Variants in ZNF667 observed in about 807,000 individuals in gnomAD.
ZNF667 encodes zinc finger protein 667, also known as myocardial ischemic preconditioning upregulated 1 ortholog.
Under a neutral mutation model 31.8 loss-of-function variants are expected in ZNF667, and 13 were observed. The ratio of observed to expected loss-of-function variants is 0.41; its 90% CI spans 0.27 to 0.65. The LOEUF (loss-of-function observed/expected upper bound fraction) is 0.65. Ranked by LOEUF, ZNF667 falls within the 30% of genes least tolerant of loss-of-function variation. The pLI is 0.32. For synonymous variants in ZNF667, 228 were observed against 247.1 expected, an observed-to-expected ratio of 0.92 and a Z score of 0.73; for missense variants, 642 against 725.6, an observed-to-expected ratio of 0.88 and a Z score of 1.32.
chr19:56,464,489 G>A (rs2043117623), intron 3 of ZNF667, among the ~76,000 whole-genome samples: 1 of 152,178 alleles, frequency 6.6e-6, no homozygotes, highest in African/African-American at 2.4e-5. Flanking sequence ...GTGAGACCCT[G>A]TCTCAAAAAC....
At chr19:56,461,797 G>A (rs760932118) in intron 4 of ZNF667, among the ~76,000 whole-genome samples, 128 of 152,192 alleles carry the variant, frequency 8.4e-4, no homozygotes, top group Non-Finnish European at 1.7e-3. Context: ...AGGAGGCTAC[G>A]CATACAACCT....
chr19:56,457,030 G>A (rs1284979642), intron 6 of ZNF667, among the ~76,000 whole-genome samples: 1 of 152,082 alleles, frequency 6.6e-6, no homozygotes, highest in Non-Finnish European at 1.5e-5. Context: ...TCGAGGTGGT[G>A]CCGTTTTCTC....
chr19:56,443,065 T>A (rs955728407), intron 6 of ZNF667, among the ~76,000 whole-genome samples: 24 of 152,130 alleles, frequency 1.6e-4, no homozygotes, highest in African/African-American at 5.6e-4. Flanking sequence ...CCAGAAAAGG[T>A]AAGTCTACAG....
chr19:56,464,469 G>A (rs1365884007), intron 3 of ZNF667, among the ~76,000 whole-genome samples: 1 of 152,184 alleles, frequency 6.6e-6, no homozygotes, highest in African/African-American at 2.4e-5. Context: ...AGTCCAGCCT[G>A]GGTAGCAGAG....
intron 3 of ZNF667, among the ~76,000 whole-genome samples, chr19:56,464,419 G>A (rs1274281515): frequency 6.6e-6 from 1 of 152,126 alleles, no homozygotes; most frequent in Non-Finnish European, 1.5e-5. Context: ...GCTTGAGCCT[G>A]GGAGGCAGAG....
intron 5 of ZNF667, among the ~76,000 whole-genome samples, chr19:56,459,634 C>T (rs2043002930): frequency 6.6e-6 from 1 of 152,220 alleles, no homozygotes; most frequent in Non-Finnish European, 1.5e-5. Flanking sequence ...CAATTACTGT[C>T]TCTGTGTTAC....
chr19:56,462,333 C>G lies in ZNF667; in HGVS notation c.33+5G>C. The G allele has an allele frequency of 6.2e-7, 1 of 1,614,234 alleles. No individual in the cohort carries two copies. The highest frequency in any genetic ancestry group is 8.5e-7 in the Non-Finnish European group (1 of 1,180,038). The stretch of plus-strand genomic sequence containing the variant: ...GTTCCGGAAGGAAGAGGAATTGCCA[C>G]TTACCTTGGATTTGGATTTCCCCCG... On this transcript the variant is annotated splice_donor_5th_base_variant and intron_variant, in intron 4 of 6. Transcript: ENST00000504904.
intron 6 of ZNF667, among the ~76,000 whole-genome samples, chr19:56,456,694 C>G (rs2042937831): frequency 6.6e-6 from 1 of 152,028 alleles, no homozygotes; most frequent in African/African-American, 2.4e-5. Context: ...ACATGAGAGA[C>G]TAGTAACATA....
At chr19:56,466,857 A>C (rs2043172059) in intron 3 of ZNF667, 1 of 391,016 alleles carries the variant, frequency 2.6e-6, no homozygotes, top group African/African-American at 2.1e-5. Context: ...TAGTGAGTGC[A>C]TCTGCACATT....
At chr19:56,475,110 G>C (rs2043374578) in intron 1 of ZNF667, 1 of 152,190 alleles carries the variant, frequency 6.6e-6, no homozygotes, top group African/African-American at 2.4e-5. Flanking sequence ...ACTCCAAAAA[G>C]AACACCTGCC....
At chr19:56,458,452 C>T (rs144731861) in intron 5 of ZNF667, among the ~76,000 whole-genome samples, 1 of 152,320 alleles carries the variant, frequency 6.6e-6, no homozygotes, top group East Asian at 1.9e-4. Context: ...CACACAGCTC[C>T]TTAAACCCTG....
chr19:56,468,725 A>G (rs1295471604), intron 3 of ZNF667: 1 of 152,242 alleles, frequency 6.6e-6, no homozygotes, highest in African/African-American at 2.4e-5. Flanking sequence ...TATGCCAGGA[A>G]ACAGGCTAAA....
intron 6 of ZNF667, among the ~76,000 whole-genome samples, chr19:56,455,830 T>C (rs1369779258): frequency 2.0e-5 from 3 of 152,222 alleles, no homozygotes; most frequent in Non-Finnish European, 4.4e-5. Flanking sequence ...CATACCCTGA[T>C]GTGATTCTTA....
intron 6 of ZNF667, chr19:56,444,110 T>G (rs1468105438): frequency 2.5e-6 from 1 of 397,426 alleles, no homozygotes. Context: ...TAAATACATA[T>G]ATTACTAAAA....
chr19:56,475,700 C>T (rs2043391017), intron 1 of ZNF667: 1 of 152,176 alleles, frequency 6.6e-6, no homozygotes, highest in African/African-American at 2.4e-5. Context: ...TGGACAGAAA[C>T]ATTTCCAGAC....
In ZNF667 at chr19:56,460,799, C is replaced by G; in HGVS notation, c.50G>C (p.Gly17Ala). 4 of 1,602,988 alleles carry G rather than the reference C, an allele frequency of 2.5e-6. No individual in the cohort carries two copies. The highest frequency in any genetic ancestry group is 3.4e-6 in the Non-Finnish European group (4 of 1,175,698). ...KSKSKAPITF[G>A]DLAIYFSQEE... ...CTGGGAGAAGTAGATGGCTAAGTCCCCAAATGTTATAGGTGCCTGAAATGA... is the reference window on the plus strand; with the variant it reads ...CTGGGAGAAGTAGATGGCTAAGTCCGCAAATGTTATAGGTGCCTGAAATGA... The change falls in exon 5 of 7, where the codon GGG becomes GCG. Residue 17 changes from glycine (G) to alanine (A), a missense_variant. Coordinates refer to ENST00000504904, the MANE Select transcript of ZNF667 (RefSeq NM_001321356.2).
chr19:56,440,664 T>A lies in ZNF667; in HGVS notation c.*498A>T. ...AATTTTTTTTTTTTTTGACACAGAGTCTTGCTCTGTTGCCCAGACTGGAGT... is the reference window on the plus strand; with the variant it reads ...AATTTTTTTTTTTTTTGACACAGAGACTTGCTCTGTTGCCCAGACTGGAGT... On this transcript the variant is annotated 3_prime_UTR_variant, in exon 7 of 7. Transcript: ENST00000504904. 1.2e-6 allele frequency: 1 copy of A among 866,964 alleles called. No homozygotes were observed. Among genetic ancestry groups the A allele is most frequent in the Non-Finnish European group, 1.4e-6 (1 of 723,028 alleles). The allele number at this position is 866,964 out of a possible 1,614,324, so 53.7% of individuals were successfully genotyped here. A position where few individuals can be genotyped will look rare whatever the true frequency, so the allele number is the denominator to read the frequency against.
Position 56,442,433 on chromosome 19 carries a change from G to T in ZNF667, c.562C>A (p.Leu188Ile). The T allele has an allele frequency of 1.9e-6, 3 of 1,614,098 alleles. No homozygotes were observed. Among genetic ancestry groups the T allele is most frequent in the Non-Finnish European group, 2.5e-6 (3 of 1,179,996 alleles). The stretch of plus-strand genomic sequence containing the variant: ...CCACTGTGAATTCTCTGATGAAGTA[G>T]GATGGATGAGATCTGTCTGAAAGCT... ...RKAFRQISSI[L>I]LHQRIHSGKK... The change falls in exon 7 of 7, where the codon CTA becomes ATA. Residue 188 changes from leucine to isoleucine, a missense_variant. Coordinates refer to ENST00000504904, the MANE Select transcript of ZNF667 (RefSeq NM_001321356.2).
intron 6 of ZNF667, chr19:56,449,179 T>G: frequency 3.0e-6 from 1 of 333,744 alleles, no homozygotes; most frequent in Non-Finnish European, 5.9e-6. Context: ...TGGAGAGTCT[T>G]CTCTGGAAGG....
Sources: gnomAD v4.1 joint callset for allele counts (sites outside exome capture counted in the v4.1 genomes callset) on GRCh38, gnomAD v4.1.1 for gene constraint, MANE v1.5 for transcripts, NCBI Gene and HGNC (gene_info 2026-07-23, HGNC 2026-07-21) for gene names.